Variants in TEAD1 observed in about 807,000 individuals in gnomAD.
The protein encoded by TEAD1 is TEA domain transcription factor 1.
Under a neutral mutation model 54.9 loss-of-function variants are expected in TEAD1, and 9 were observed. The observed-to-expected ratio is 0.16, with a 90% confidence interval of 0.10 to 0.29. The LOEUF is 0.29. TEAD1 is among the 10% of genes least tolerant of loss of function. The probability of loss-of-function intolerance (pLI) is 1.00; values close to 1 mark genes in which losing one functional copy is unlikely to be tolerated. For synonymous variants in TEAD1, 200 were observed against 187.8 expected, an observed-to-expected ratio of 1.07 and a Z score of -0.53; for missense variants, 387 against 535.9, an observed-to-expected ratio of 0.72 and a Z score of 2.74.
intron 2 of TEAD1, among the ~76,000 whole-genome samples, chr11:12,757,894 C>T (rs1590120446): frequency 6.6e-6 from 1 of 152,190 alleles, no homozygotes; most frequent in African/African-American, 2.4e-5. Context: ...ATTCGTCTGT[C>T]TCAGCCTCCC....
chr11:12,863,038 A>C (rs532958710), intron 4 of TEAD1, among the ~76,000 whole-genome samples: 12 of 152,200 alleles, frequency 7.9e-5, no homozygotes, highest in East Asian at 7.7e-4. Flanking sequence ...GAAAAAAAAA[A>C]CCCTAAAAAC....
At chr11:12,862,189 A>G in intron 3 of TEAD1, 61 bp from the exon 4 acceptor site, 2 of 1,405,678 alleles carry the variant, frequency 1.4e-6, no homozygotes, top group Non-Finnish European at 2.0e-6. Context: ...TTTGCTTTCA[A>G]GGGCTTTGTT....
intron 3 of TEAD1, among the ~76,000 whole-genome samples, chr11:12,816,445 A>G (rs1384176288): frequency 6.6e-6 from 1 of 152,208 alleles, no homozygotes; most frequent in Non-Finnish European, 1.5e-5. Context: ...ATTTCAGGGT[A>G]GGTTCAACAC....
chr11:12,887,902 T>C (rs1948122671), intron 9 of TEAD1, among the ~76,000 whole-genome samples: 2 of 152,242 alleles, frequency 1.3e-5, no homozygotes, highest in African/African-American at 2.4e-5. Context: ...ATTTGAATTC[T>C]CTAGATGTTT....
intron 7 of TEAD1, 94 bp from the exon 8 acceptor site, chr11:12,881,802 G>T: frequency 2.2e-5 from 28 of 1,277,634 alleles, no homozygotes; most frequent in Non-Finnish European, 3.1e-5. Context: ...CAGCGGTGAA[G>T]GACCTCCCAC....
At chr11:12,836,419 C>CAAAA (rs34899154) in intron 3 of TEAD1, among the ~76,000 whole-genome samples, 3 of 132,502 alleles carry the variant, frequency 2.3e-5, no homozygotes, top group African/African-American at 8.6e-5. Context: ...GACTCCGTCT[C>CAAAA]AAAAAAAAAA....
rs563601375 is a variant in TEAD1, at chr11:12,943,512, C to T, written c.*6290C>T. 6.6e-6 allele frequency: 1 copy of T among 152,616 alleles called. No homozygotes were observed. Among genetic ancestry groups the T allele is most frequent in the East Asian group, 1.9e-4 (1 of 5,190 alleles). The allele number at this position is 152,616 out of a possible 1,614,324, so 9.5% of individuals were successfully genotyped here. A position where few individuals can be genotyped will look rare whatever the true frequency, so the allele number is the denominator to read the frequency against. On this transcript the variant is annotated 3_prime_UTR_variant, in exon 13 of 13. Transcript: ENST00000527636. Reference sequence around the variant, plus strand: ...TATTGTCCTACTTCCTAAGCCGTAACTTCTTTTCCTCTGTGAATTTGCATT... The same window carrying T: ...TATTGTCCTACTTCCTAAGCCGTAATTTCTTTTCCTCTGTGAATTTGCATT...
At chr11:12,925,301 CATG>C (rs1451307789) in intron 11 of TEAD1, among the ~76,000 whole-genome samples, 2 of 152,228 alleles carry the variant, frequency 1.3e-5, no homozygotes, top group African/African-American at 4.8e-5. Context: ...AACTTAGAAT[CATG>C]GTGGCTGAAG....
At chr11:12,881,142 C>T in intron 7 of TEAD1, 91 bp downstream of exon 7, 1 of 1,425,988 alleles carries the variant, frequency 7.0e-7, no homozygotes. Context: ...GTCTCAGGGC[C>T]TGGAGGAGAA....
At chr11:12,695,321 A>G (rs1472569709) in intron 2 of TEAD1, among the ~76,000 whole-genome samples, 1 of 152,236 alleles carries the variant, frequency 6.6e-6, no homozygotes, top group Non-Finnish European at 1.5e-5. Flanking sequence ...TTTCTTTGGA[A>G]ATCACTGTGA....
At chr11:12,741,933 C>T (rs1214289864) in intron 2 of TEAD1, among the ~76,000 whole-genome samples, 1 of 152,180 alleles carries the variant, frequency 6.6e-6, no homozygotes, top group Non-Finnish European at 1.5e-5. Context: ...TGTCTGTTAC[C>T]TCAGCTTTAA....
At chr11:12,688,778 T>C (rs554387975) in intron 2 of TEAD1, among the ~76,000 whole-genome samples, 7 of 152,318 alleles carry the variant, frequency 4.6e-5, no homozygotes, top group African/African-American at 1.2e-4. Context: ...AAATGAAATA[T>C]AGCGAATGAC....
At chr11:12,692,919 G>A (rs1368341638) in intron 2 of TEAD1, among the ~76,000 whole-genome samples, 1 of 152,124 alleles carries the variant, frequency 6.6e-6, no homozygotes, top group East Asian at 1.9e-4. Context: ...CCACAGAACA[G>A]CCTGTGTTTT....
Position 12,764,295 on chromosome 11 carries a change from C to T in TEAD1, c.63C>T (p.Asp21=). The T allele has an allele frequency of 1.2e-6, 2 of 1,614,224 alleles. No individual in the cohort carries two copies. Among genetic ancestry groups the T allele is most frequent in the Non-Finnish European group, 1.7e-6 (2 of 1,180,020 alleles). Residue 21 remains aspartate, a synonymous_variant, in exon 3 of 13, where the codon GAC becomes GAT. Transcript: ENST00000527636. ...CCGAAAACATGGAAAGGATGAGTGA[C>T]TCTGCAGATAAGCCAATTGACAATG...
At chr11:12,747,748 T>C (rs1944777306) in intron 2 of TEAD1, among the ~76,000 whole-genome samples, 1 of 152,268 alleles carries the variant, frequency 6.6e-6, no homozygotes, top group Non-Finnish European at 1.5e-5. Context: ...GACTGTTGAT[T>C]GAGATATTCT....
chr11:12,800,488 G>A (rs1310786753), intron 3 of TEAD1, among the ~76,000 whole-genome samples: 3 of 152,156 alleles, frequency 2.0e-5, no homozygotes, highest in African/African-American at 4.8e-5. Flanking sequence ...GAAACACAGC[G>A]ATGGTTCCTG....
chr11:12,840,559 C>G (rs892236794), intron 3 of TEAD1, among the ~76,000 whole-genome samples: 3 of 152,102 alleles, frequency 2.0e-5, no homozygotes, highest in Non-Finnish European at 4.4e-5. Flanking sequence ...AATAAATGGC[C>G]GTGTCTTAGC....
intron 2 of TEAD1, among the ~76,000 whole-genome samples, chr11:12,752,072 A>C (rs927318901): frequency 6.6e-6 from 1 of 152,154 alleles, no homozygotes; most frequent in Non-Finnish European, 1.5e-5. Flanking sequence ...GACAAATCCC[A>C]TTGGCTGTTT....
chr11:12,914,272 A>T (rs544260271), intron 10 of TEAD1, among the ~76,000 whole-genome samples: 72 of 152,344 alleles, frequency 4.7e-4, no homozygotes, highest in African/African-American at 1.6e-3. Context: ...AGGGGTGCCA[A>T]TCTGCACAAT....
Sources: gnomAD v4.1 joint callset for allele counts (sites outside exome capture counted in the v4.1 genomes callset) on GRCh38, gnomAD v4.1.1 for gene constraint, MANE v1.5 for transcripts, NCBI Gene and HGNC (gene_info 2026-07-23, HGNC 2026-07-21) for gene names.